METTL9: variants seen among roughly 807,000 people sequenced by gnomAD.
METTL9 encodes methyltransferase 9, His-X-His N1(pi)-histidine.
METTL9 carries 10 observed loss-of-function variants against 36.0 expected under a neutral mutation model. That is an observed-to-expected ratio of 0.28 (90% CI 0.17 to 0.47). METTL9 has a LOEUF of 0.47. Ranked by LOEUF, METTL9 falls within the 20% of genes least tolerant of loss-of-function variation. METTL9 has a pLI of 0.99. For synonymous variants in METTL9, 175 were observed against 149.7 expected, an observed-to-expected ratio of 1.17 and a Z score of -1.23; for missense variants, 246 against 383.5, an observed-to-expected ratio of 0.64 and a Z score of 3.00.
At chr16:21,598,298 G>A (rs1964999040), upstream of METTL9, among the ~76,000 whole-genome samples, 8 of 147,778 alleles carry the variant, frequency 5.4e-5, no homozygotes, top group Admixed American at 5.5e-4. Flanking sequence ...GAAGTGAGCC[G>A]AGATCGAGCC....
chr16:21,605,599 G>A (rs1220082475), intron 1 of METTL9, among the ~76,000 whole-genome samples: 1 of 152,134 alleles, frequency 6.6e-6, no homozygotes, highest in Non-Finnish European at 1.5e-5. Context: ...CCTCTGTGTA[G>A]ACACTGAAGT....
chr16:21,625,179 G>A (rs2305520), intron 4 of METTL9, 64 bp downstream of exon 4: 7 of 1,559,900 alleles, frequency 4.5e-6, no homozygotes, highest in Admixed American at 1.7e-5. Context: ...TTGTGATTTT[G>A]TGCTGTGTAC....
At chr16:21,634,667 A>G (rs1250272015) in intron 4 of METTL9, among the ~76,000 whole-genome samples, 2 of 152,268 alleles carry the variant, frequency 1.3e-5, no homozygotes, top group East Asian at 1.9e-4. Context: ...TTCAGGGCCC[A>G]GGGCTTGCTT....
At chr16:21,598,095 A>C (rs1047093049), upstream of METTL9, 10 of 152,324 alleles carry the variant, frequency 6.6e-5, no homozygotes, top group Admixed American at 3.9e-4. Context: ...TCACGCCTGT[A>C]ATCCCAGCAC....
chr16:21,611,931 A>G (rs1965434979), intron 1 of METTL9, among the ~76,000 whole-genome samples: 2 of 152,162 alleles, frequency 1.3e-5, no homozygotes, highest in Non-Finnish European at 1.5e-5. Context: ...ATTCCTGGAA[A>G]TCTGGTTCTT....
At chr16:21,606,088 G>C (rs1965279197) in intron 1 of METTL9, among the ~76,000 whole-genome samples, 1 of 152,102 alleles carries the variant, frequency 6.6e-6, no homozygotes, top group East Asian at 1.9e-4. Flanking sequence ...TGTAATCCCG[G>C]CACTATGGGA....
intron 4 of METTL9, among the ~76,000 whole-genome samples, chr16:21,626,101 G>A (rs1420225335): frequency 2.0e-5 from 3 of 151,952 alleles, no homozygotes; most frequent in East Asian, 1.9e-4. Context: ...ATGGGGTTTC[G>A]CCATGTTGAC....
At chr16:21,615,698 T>G (rs1309239240) in intron 2 of METTL9, among the ~76,000 whole-genome samples, 1 of 152,202 alleles carries the variant, frequency 6.6e-6, no homozygotes, top group East Asian at 1.9e-4. Context: ...TTTTGTGACT[T>G]ACTTTTGGTC....
intron 4 of METTL9, chr16:21,626,857 G>A: frequency 2.7e-6 from 2 of 753,186 alleles, no homozygotes; most frequent in Non-Finnish European, 1.6e-6. Context: ...CTACTTCCTG[G>A]CATAGCAGGA....
intron 3 of METTL9, among the ~76,000 whole-genome samples, chr16:21,620,836 A>C (rs1965675000): frequency 6.6e-6 from 1 of 152,188 alleles, no homozygotes; most frequent in Non-Finnish European, 1.5e-5. Flanking sequence ...ATTTCCTAAG[A>C]TTAGAGGTCA....
intron 3 of METTL9, among the ~76,000 whole-genome samples, chr16:21,618,989 C>T (rs1193249989): frequency 2.0e-5 from 3 of 152,048 alleles, no homozygotes; most frequent in Non-Finnish European, 2.9e-5. Flanking sequence ...TGAGCCACTG[C>T]GCCTGGCCCA....
In METTL9 at chr16:21,656,224, C is replaced by G. The variant is rs1187803537; in HGVS notation, c.*792C>G. 1 of 133,868 alleles carries G rather than the reference C, an allele frequency of 7.5e-6. No homozygotes were observed. Among genetic ancestry groups the G allele is most frequent in the East Asian group, 2.3e-4 (1 of 4,340 alleles). 8.3% of individuals were successfully genotyped at this position (133,868 alleles called of 1,614,324 possible). ...TGCTGCTGTGAAAAATGCAAAATAA[C>G]CTGGTTCTGACTTTGTGATCACTCA... On this transcript the variant is annotated 3_prime_UTR_variant, in exon 5 of 5. Transcript: ENST00000358154.
chr16:21,612,623 CTTTTTT>C lies in METTL9; in HGVS notation c.166-8_166-3del. 9 of 1,249,798 alleles carry C rather than the reference CTTTTTT, an allele frequency of 7.2e-6. No homozygotes were observed. The South Asian group carries it at 7.2e-5, about 10-fold the overall frequency. The allele number at this position is 1,249,798 out of a possible 1,614,324, so 77.4% of individuals were successfully genotyped here. On this transcript the variant is annotated splice_polypyrimidine_tract_variant and intron_variant, in intron 1 of 4. Coordinates refer to ENST00000358154, the MANE Select transcript of METTL9 (RefSeq NM_016025.5). ...TCGGTTGTGTGTTTTAATTTTTGTTCTTTTTTTTTTTTTTTTTTTAGTGGTATGTGT... is the reference window on the plus strand; with the variant it reads ...TCGGTTGTGTGTTTTAATTTTTGTTCTTTTTTTTTTTTTAGTGGTATGTGT...
At chr16:21,618,832 G>A in intron 3 of METTL9, among the ~76,000 whole-genome samples, 1 of 151,846 alleles carries the variant, frequency 6.6e-6, no homozygotes, top group Non-Finnish European at 1.5e-5. Flanking sequence ...TCCTGCCTCA[G>A]CCTCCCAAGT....
At chr16:21,643,196 A>G in intron 4 of METTL9, 1 of 1,424,422 alleles carries the variant, frequency 7.0e-7, no homozygotes, top group South Asian at 1.2e-5. Context: ...TTTTGGGAAT[A>G]TAAGCGATGA....
intron 4 of METTL9, chr16:21,643,583 G>A (rs150110933): frequency 6.2e-7 from 1 of 1,607,172 alleles, no homozygotes; most frequent in East Asian, 2.2e-5. Context: ...TTGTTTCTTA[G>A]AGGGTTGGAT....
Position 21,625,120 on chromosome 16 carries a change from G to C in METTL9, c.751+5G>C, listed in dbSNP as rs375963160. ...TTCATCCCTATGTGGAAAACGGTAA[G>C]TGTGGTCAGTCAGGCTAGCTCTTAC... On this transcript the variant is annotated splice_donor_5th_base_variant and intron_variant, in intron 4 of 4. Coordinates refer to ENST00000358154, the MANE Select transcript of METTL9 (RefSeq NM_016025.5). 25 of 1,613,402 alleles carry C rather than the reference G, an allele frequency of 1.5e-5. No individual in the cohort carries two copies. In the African/African-American group the frequency reaches 2.9e-4, roughly 19 times the overall value.
chr16:21,623,917 C>T (rs968175674), intron 3 of METTL9, among the ~76,000 whole-genome samples: 3 of 151,984 alleles, frequency 2.0e-5, no homozygotes, highest in East Asian at 1.9e-4. Flanking sequence ...ATTACAGGCA[C>T]GCGCCACCAC....
intron 4 of METTL9, among the ~76,000 whole-genome samples, chr16:21,635,394 G>C (rs1202874333): frequency 6.6e-6 from 1 of 151,984 alleles, no homozygotes; most frequent in Non-Finnish European, 1.5e-5. Flanking sequence ...TAATAGGAGG[G>C]GGAGCTATAG....
Sources: allele counts gnomAD v4.1 joint callset (sites outside exome capture counted in the v4.1 genomes callset), GRCh38; gene constraint gnomAD v4.1.1; transcripts MANE v1.5; gene names NCBI Gene and HGNC (gene_info 2026-07-23, HGNC 2026-07-21).